LINGO2: variants seen among roughly 807,000 people sequenced by gnomAD.
LINGO2 encodes the protein leucine-rich repeat and immunoglobulin-like domain-containing nogo receptor-interacting protein 2.
A neutral mutation model predicts 30.6 loss-of-function variants in LINGO2; 14 were observed. That is an observed-to-expected ratio of 0.46 (90% CI 0.30 to 0.72). The LOEUF is 0.72. Ranked by LOEUF, LINGO2 falls within the 30% of genes least tolerant of loss-of-function variation. The pLI is 0.07. For missense variants in LINGO2, 729 were observed against 751.7 expected (o/e 0.97, Z 0.35); for synonymous variants, 317 against 288.5 (o/e 1.10, Z -1.00).
chr9:28,766,629 T>G, the LINGO2 span, among the ~76,000 whole-genome samples: 2 of 152,046 alleles, frequency 1.3e-5, no homozygotes, highest in Admixed American at 1.3e-4. Context: ...GTTCTCCCTG[T>G]TAATGTCAGC....
At chr9:28,363,925 A>G (rs1820552027) in intron 3 of LINGO2, among the ~76,000 whole-genome samples, 1 of 152,094 alleles carries the variant, frequency 6.6e-6, no homozygotes, top group Non-Finnish European at 1.5e-5. Context: ...TACCTTTGAT[A>G]AAGAAAGCTC....
intron 4 of LINGO2, among the ~76,000 whole-genome samples, chr9:28,137,394 T>C (rs1827549135): frequency 1.3e-5 from 2 of 152,148 alleles, no homozygotes; most frequent in Non-Finnish European, 2.9e-5. Flanking sequence ...GTTAAAGTAC[T>C]CCTGAACACC....
chr9:29,080,005 A>G, the LINGO2 span, among the ~76,000 whole-genome samples: 1 of 152,074 alleles, frequency 6.6e-6, no homozygotes, highest in Non-Finnish European at 1.5e-5. Flanking sequence ...GTAAGAAACT[A>G]TGATGGAGTA....
the LINGO2 span, among the ~76,000 whole-genome samples, chr9:28,753,020 A>C: frequency 2.6e-5 from 4 of 152,242 alleles, no homozygotes; most frequent in South Asian, 6.2e-4. Flanking sequence ...ACTTCAGTAC[A>C]AAAGACAGGC....
the LINGO2 span, among the ~76,000 whole-genome samples, chr9:28,733,304 T>C: frequency 6.6e-6 from 1 of 152,240 alleles, no homozygotes; most frequent in South Asian, 2.1e-4. Flanking sequence ...AAAAAGGTCA[T>C]ACGTAAAGAG....
chr9:28,153,372 T>C (rs930916060), intron 4 of LINGO2, among the ~76,000 whole-genome samples: 2 of 152,138 alleles, frequency 1.3e-5, no homozygotes, highest in Non-Finnish European at 2.9e-5. Flanking sequence ...TGGAGATAGA[T>C]CTCTATATGC....
chr9:28,343,982 G>C (rs1286564419), intron 3 of LINGO2, among the ~76,000 whole-genome samples: 1 of 152,090 alleles, frequency 6.6e-6, no homozygotes, highest in Non-Finnish European at 1.5e-5. Flanking sequence ...GACTTTCTAA[G>C]GGAATTTTTG....
At chr9:28,873,521 T>C in the LINGO2 span, among the ~76,000 whole-genome samples, 1 of 152,050 alleles carries the variant, frequency 6.6e-6, no homozygotes, top group Non-Finnish European at 1.5e-5. Flanking sequence ...AAGGCAGGAG[T>C]TAGACTTGGC....
chr9:28,668,063 G>A (rs1415683105), intron 1 of LINGO2, among the ~76,000 whole-genome samples: 1 of 151,846 alleles, frequency 6.6e-6, no homozygotes, highest in African/African-American at 2.4e-5. Context: ...TAATATCATG[G>A]ATTTTTTTTT....
rs183289884 is a variant in LINGO2, at chr9:28,618,663, T to G, written c.-365+51537A>C. ...ATTCTCCTTCTTACCCATTATGATCTAGCTCCTTTAGTTCTATCTGTAATG... is the reference window on the plus strand; with the variant it reads ...ATTCTCCTTCTTACCCATTATGATCGAGCTCCTTTAGTTCTATCTGTAATG... On this transcript the variant is annotated intron_variant, in intron 1 of 5. Coordinates refer to ENST00000379992, the Ensembl canonical transcript of LINGO2. Among the ~76,000 whole-genome samples the G allele has an allele frequency of 6.0e-3, 914 of 152,314 alleles. 6 individuals are homozygous for G. The highest frequency in any genetic ancestry group is 9.5e-3 in the Non-Finnish European group (646 of 68,012).
At chr9:28,010,445 C>CAAAAAGGAGGG in intron 5 of LINGO2, among the ~76,000 whole-genome samples, 1 of 152,106 alleles carries the variant, frequency 6.6e-6, no homozygotes, top group South Asian at 2.1e-4. Flanking sequence ...GTTTTTCAAG[C>CAAAAAGGAGGG]ATTATAATCC....
chr9:28,464,824 C>T (rs1227652478), intron 2 of LINGO2, among the ~76,000 whole-genome samples: 1 of 152,132 alleles, frequency 6.6e-6, no homozygotes, highest in Non-Finnish European at 1.5e-5. Flanking sequence ...AGCAACACCC[C>T]ACAAGCACAG....
intron 4 of LINGO2, among the ~76,000 whole-genome samples, chr9:28,105,812 A>C (rs1826572509): frequency 6.6e-6 from 1 of 152,124 alleles, no homozygotes; most frequent in African/African-American, 2.4e-5. Context: ...TCTACAAGCC[A>C]GGAGGAGAGC....
chr9:28,182,768 A>C (rs1202776202), intron 4 of LINGO2, among the ~76,000 whole-genome samples: 1 of 152,192 alleles, frequency 6.6e-6, no homozygotes, highest in Non-Finnish European at 1.5e-5. Context: ...ACCATTCTCA[A>C]GCCAGTCAGA....
chr9:28,781,909 C>G, the LINGO2 span, among the ~76,000 whole-genome samples: 1 of 152,128 alleles, frequency 6.6e-6, no homozygotes, highest in Non-Finnish European at 1.5e-5. Flanking sequence ...TATTGTCATA[C>G]AGTAAGTTGT....
the LINGO2 span, among the ~76,000 whole-genome samples, chr9:28,759,701 A>G: frequency 6.6e-6 from 1 of 151,706 alleles, no homozygotes; most frequent in African/African-American, 2.4e-5. Context: ...AAAAAAAAAG[A>G]AAGAAAATGT....
At chr9:28,696,677 G>A in the LINGO2 span, among the ~76,000 whole-genome samples, 4 of 151,882 alleles carry the variant, frequency 2.6e-5, no homozygotes, top group Admixed American at 6.6e-5. Context: ...TCCATGCATA[G>A]TCAGAGATGA....
chr9:28,148,766 G>C lies in LINGO2; in HGVS notation c.-86-136361C>G. On this transcript the variant is annotated intron_variant, in intron 4 of 5. Transcript: ENST00000379992. This position sits in a 1 kb window ranked among gnomAD's most constrained non-coding sequence, Gnocchi z 5.1. ...TGGGAAGCCTGACCCACTTCCAACA[G>C]TGCTCCCTGCCCCAGTTCCAGGCTG... is the stretch of plus-strand genomic sequence containing the variant. 6.5e-7 allele frequency: 1 copy of C among 1,534,052 alleles called. No homozygotes were observed. The highest frequency in any genetic ancestry group is 8.7e-7 in the Non-Finnish European group (1 of 1,146,626).
At chr9:28,407,585 C>T (rs1381303149) in intron 2 of LINGO2, among the ~76,000 whole-genome samples, 1 of 152,072 alleles carries the variant, frequency 6.6e-6, no homozygotes, top group African/African-American at 2.4e-5. Context: ...GATTTGTTGC[C>T]AACACTTGCA....
Sources: allele counts gnomAD v4.1 joint callset (sites outside exome capture counted in the v4.1 genomes callset), GRCh38; gene constraint gnomAD v4.1.1; non-coding constraint Gnocchi (gnomAD v3.1); transcripts MANE v1.5; gene names NCBI Gene and HGNC (gene_info 2026-07-23, HGNC 2026-07-21).